CADM1: variants seen among roughly 807,000 people sequenced by gnomAD.
CADM1 encodes cell adhesion molecule 1.
Under a neutral mutation model 53.1 loss-of-function variants are expected in CADM1, and 15 were observed. That is an observed-to-expected ratio of 0.28 (90% CI 0.19 to 0.44). The LOEUF is 0.44. CADM1 is among the 20% of genes least tolerant of loss of function. CADM1 has a pLI of 1.00. For synonymous variants in CADM1, 281 were observed against 243.0 expected (o/e 1.16, Z -1.45); for missense variants, 434 against 611.3 (o/e 0.71, Z 3.06).
intron 1 of CADM1, among the ~76,000 whole-genome samples, chr11:115,282,192 C>G (rs1197382650): frequency 6.6e-6 from 1 of 152,108 alleles, no homozygotes; most frequent in African/African-American, 2.4e-5. Context: ...TTGCTATCGT[C>G]ACAGTAATCC....
intron 1 of CADM1, among the ~76,000 whole-genome samples, chr11:115,363,948 C>T (rs1946092920): frequency 6.6e-6 from 1 of 151,996 alleles, no homozygotes; most frequent in Admixed American, 6.6e-5. Flanking sequence ...CAGTAACATG[C>T]TGTACAGGTC....
At chr11:115,434,376 T>C (rs17523136) in intron 1 of CADM1, among the ~76,000 whole-genome samples, 19,196 of 152,214 alleles carry the variant, frequency 0.13, 1,597 homozygotes, top group Non-Finnish European at 0.19. Flanking sequence ...AATACATATA[T>C]AGGACCTACC....
intron 1 of CADM1, among the ~76,000 whole-genome samples, chr11:115,472,273 G>C (rs1278860947): frequency 6.6e-6 from 1 of 152,222 alleles, no homozygotes; most frequent in Non-Finnish European, 1.5e-5. Flanking sequence ...CCCAGGGAGG[G>C]AAATTAAGTT....
At chr11:115,476,709 A>T (rs1308040374) in intron 1 of CADM1, among the ~76,000 whole-genome samples, 1 of 152,240 alleles carries the variant, frequency 6.6e-6, no homozygotes, top group Non-Finnish European at 1.5e-5. Context: ...GGTGATAAAG[A>T]CTTCCTAGTT....
intron 1 of CADM1, among the ~76,000 whole-genome samples, chr11:115,349,961 C>G (rs939504283): frequency 2.6e-5 from 4 of 152,012 alleles, no homozygotes; most frequent in Admixed American, 6.6e-5. Context: ...CCATCTTTTT[C>G]TTTGTTTGTT....
At chr11:115,254,363 A>T (rs1942705324) in intron 1 of CADM1, among the ~76,000 whole-genome samples, 1 of 152,094 alleles carries the variant, frequency 6.6e-6, no homozygotes, top group Middle Eastern at 3.2e-3. Context: ...TTGAATTAAA[A>T]TTTTCAAAGG....
intron 1 of CADM1, among the ~76,000 whole-genome samples, chr11:115,310,764 A>G (rs1944512923): frequency 6.6e-6 from 1 of 152,186 alleles, no homozygotes; most frequent in African/African-American, 2.4e-5. Context: ...TCATCACTAG[A>G]TCTTAGAAAG....
At position 115,315,958 on chromosome 11, in the gene CADM1, T is replaced by A. The variant is rs559438927; in HGVS notation, c.125-75538A>T. ...GGGTGTTTTCTGCATGCTTCTCTCC[T>A]CTTGCTTCCCGGTGTTGGTTTAATA... On this transcript the variant is annotated intron_variant, in intron 1 of 11. Coordinates refer to ENST00000331581, the MANE Select transcript of CADM1 (RefSeq NM_001301043.2). 3.9e-5 allele frequency among the ~76,000 whole-genome samples: 6 copies of A among 152,298 alleles called. No individual in the cohort carries two copies. The South Asian group carries it at 1.2e-3, about 32-fold the overall frequency.
At chr11:115,293,679 T>A (rs1943969906) in intron 1 of CADM1, among the ~76,000 whole-genome samples, 1 of 152,200 alleles carries the variant, frequency 6.6e-6, no homozygotes, top group Non-Finnish European at 1.5e-5. Flanking sequence ...CACAGTAGTT[T>A]TTGTCTCATT....
chr11:115,391,212 A>T (rs887921196), intron 1 of CADM1, among the ~76,000 whole-genome samples: 1 of 152,360 alleles, frequency 6.6e-6, no homozygotes, highest in East Asian at 1.9e-4. Context: ...AATTTAAAGA[A>T]TTCATCAATT....
intron 1 of CADM1, among the ~76,000 whole-genome samples, chr11:115,451,471 G>A (rs1241504082): frequency 6.6e-6 from 1 of 152,212 alleles, no homozygotes; most frequent in Non-Finnish European, 1.5e-5. Flanking sequence ...GGCTCACAAA[G>A]TAGGAGGTCC....
intron 10 of CADM1, among the ~76,000 whole-genome samples, chr11:115,181,097 C>G (rs984015731): frequency 1.4e-5 from 2 of 146,958 alleles, no homozygotes; most frequent in Admixed American, 1.4e-4. Context: ...AAGACACTAT[C>G]TTGTCCACTC....
intron 1 of CADM1, among the ~76,000 whole-genome samples, chr11:115,365,635 T>C (rs1403199809): frequency 6.6e-6 from 1 of 152,176 alleles, no homozygotes; most frequent in Non-Finnish European, 1.5e-5. Flanking sequence ...TGACTTTTTT[T>C]GATTAACCAA....
At chr11:115,489,215 C>A (rs1352433024) in intron 1 of CADM1, among the ~76,000 whole-genome samples, 2 of 152,210 alleles carry the variant, frequency 1.3e-5, no homozygotes, top group African/African-American at 2.4e-5. Context: ...GATTGCCCAA[C>A]AACCAAGTAT....
chr11:115,228,519 T>C (rs1591624565), intron 5 of CADM1, among the ~76,000 whole-genome samples: 1 of 152,190 alleles, frequency 6.6e-6, no homozygotes, highest in East Asian at 1.9e-4. Flanking sequence ...AAAAAGACTT[T>C]TTCCTTTTAA....
intron 1 of CADM1, among the ~76,000 whole-genome samples, chr11:115,374,804 T>C (rs932122681): frequency 6.6e-6 from 1 of 152,266 alleles, no homozygotes; most frequent in African/African-American, 2.4e-5. Context: ...GTCCAGTTTC[T>C]TAAACTTCGA....
intron 1 of CADM1, among the ~76,000 whole-genome samples, chr11:115,480,379 C>A (rs1818304057): frequency 6.6e-6 from 1 of 152,130 alleles, no homozygotes; most frequent in Admixed American, 6.5e-5. Flanking sequence ...CCCTGAGCTG[C>A]AAGTCAGGCC....
intron 1 of CADM1, chr11:115,397,782 T>C (rs1315911884): frequency 2.6e-5 from 4 of 152,136 alleles, no homozygotes; most frequent in African/African-American, 7.2e-5. Context: ...ATGCACCCCT[T>C]TGCTAATTGT....
Position 115,308,211 on chromosome 11 carries a change from T to TATATATATATATATACAC in CADM1, c.125-67792_125-67791insGTGTATATATATATATAT, listed in dbSNP as rs139012671. 5.8e-3 allele frequency among the ~76,000 whole-genome samples: 812 copies of TATATATATATATATACAC among 139,360 alleles called. 8 individuals are homozygous for TATATATATATATATACAC. Among genetic ancestry groups the TATATATATATATATACAC allele is most frequent in the Non-Finnish European group, 7.9e-3 (517 of 65,406 alleles). 91.4% of individuals were successfully genotyped at this position (139,360 alleles called of 152,430 possible). A position where few individuals can be genotyped will look rare whatever the true frequency, so the allele number is the denominator to read the frequency against. ...ATAGGTGTGTATATATATATATATA[T>TATATATATATATATACAC]ACACACCTATGAGAAGGTTTTTGTC... On this transcript the variant is annotated intron_variant, in intron 1 of 11. Transcript: ENST00000331581.
Sources: gnomAD v4.1 joint callset for allele counts (sites outside exome capture counted in the v4.1 genomes callset) on GRCh38, gnomAD v4.1.1 for gene constraint, MANE v1.5 for transcripts, NCBI Gene and HGNC (gene_info 2026-07-23, HGNC 2026-07-21) for gene names.